The following CHAF1A variants were observed in gnomAD, a reference collection of about 807,000 sequenced individuals.
CHAF1A encodes chromatin assembly factor 1 subunit A, also known as CAF-1 subunit A.
Under a neutral mutation model 93.2 loss-of-function variants are expected in CHAF1A, and 5 were observed. That is an observed-to-expected ratio of 0.05 (90% CI 0.03 to 0.11). The LOEUF (loss-of-function observed/expected upper bound fraction) is 0.11. Among genes scored for constraint, CHAF1A ranks in the 10% least tolerant of loss-of-function variants. CHAF1A has a pLI of 1.00. For synonymous variants in CHAF1A, 504 were observed against 510.3 expected, an observed-to-expected ratio of 0.99 and a Z score of 0.17; for missense variants, 1,102 against 1,259.9, an observed-to-expected ratio of 0.87 and a Z score of 1.90.
downstream of CHAF1A, chr19:4,445,659 A>C (rs1404973048): frequency 1.9e-6 from 3 of 1,593,996 alleles, no homozygotes; most frequent in African/African-American, 4.0e-5. Flanking sequence ...TGAGACCGAG[A>C]GTCGGCCCTT....
chr19:4,421,528 A>T (rs1215935867), intron 4 of CHAF1A, among the ~76,000 whole-genome samples: 1 of 152,104 alleles, frequency 6.6e-6, no homozygotes, highest in Non-Finnish European at 1.5e-5. Context: ...TATAATTCCA[A>T]CACTTTGGGA....
Position 4,431,981 on chromosome 19 carries a change from C to G in CHAF1A, c.1977C>G (p.Val659=). 1 of 1,612,622 alleles carries G rather than the reference C, an allele frequency of 6.2e-7. No homozygotes were observed. Among genetic ancestry groups the G allele is most frequent in the Non-Finnish European group, 8.5e-7 (1 of 1,178,820 alleles). ...EECADPENHK[V]RQKLKAKEWD... is the part of the protein sequence containing the mutation. ...GTGCCGACCCTGAGAACCATAAGGT[C>G]CGCCAGAAACTGAAGGCCAAGGAGT... Residue 659 remains valine (V), a synonymous_variant, in exon 12 of 15, where the codon GTC becomes GTG. Transcript: ENST00000301280.
At chr19:4,448,306 C>T (rs1974581617), downstream of CHAF1A, 9 of 1,595,422 alleles carry the variant, frequency 5.6e-6, no homozygotes, top group Non-Finnish European at 7.7e-6. Context: ...GGCAAAGGGG[C>T]CACACGCTCA....
At chr19:4,405,025 G>A (rs1973654659) in intron 1 of CHAF1A, among the ~76,000 whole-genome samples, 1 of 152,152 alleles carries the variant, frequency 6.6e-6, no homozygotes. Context: ...GGGGGCTTGG[G>A]TTGGAGGAAG....
Position 4,423,278 on chromosome 19 carries a change from G to A in CHAF1A, c.1248-57G>A, listed in dbSNP as rs1238152211. 14 of 1,610,852 alleles carry A rather than the reference G, an allele frequency of 8.7e-6. No homozygotes were observed. The Admixed American group carries it at 1.0e-4, about 12-fold the overall frequency. ...CCATATACTAACAGTTGAGTGCTGC[G>A]GTCCCTTCCAGAGCCAAAGCAAAGA... On this transcript the variant is annotated intron_variant, in intron 5 of 14. Transcript: ENST00000301280.
At chr19:4,446,568 C>T (rs112497201), downstream of CHAF1A, 72 of 1,612,388 alleles carry the variant, frequency 4.5e-5, no homozygotes, top group Middle Eastern at 3.3e-4. Flanking sequence ...GTTCGAACTG[C>T]GAGGCCAGGG....
intron 6 of CHAF1A, 61 bp downstream of exon 6, chr19:4,423,456 T>A (rs1255096675): frequency 6.2e-7 from 1 of 1,608,406 alleles, no homozygotes; most frequent in East Asian, 2.2e-5. Context: ...ATGCCCAAAG[T>A]GGAATTCTTG....
intron 2 of CHAF1A, among the ~76,000 whole-genome samples, chr19:4,407,246 C>CAA (rs201896804): frequency 2.7e-5 from 3 of 111,902 alleles, no homozygotes; most frequent in African/African-American, 9.0e-5. Flanking sequence ...CACACCCCCC[C>CAA]CAAAAAAAAA....
At chr19:4,439,166 G>A (rs900112392) in intron 13 of CHAF1A, among the ~76,000 whole-genome samples, 1 of 151,294 alleles carries the variant, frequency 6.6e-6, no homozygotes, top group Non-Finnish European at 1.5e-5. Context: ...TGTAATCCCA[G>A]CTACTCAGGA....
At chr19:4,405,118 G>A (rs1973656330) in intron 1 of CHAF1A, among the ~76,000 whole-genome samples, 1 of 152,152 alleles carries the variant, frequency 6.6e-6, no homozygotes, top group Non-Finnish European at 1.5e-5. Flanking sequence ...TTCATTTCAT[G>A]AAACAGTTCC....
downstream of CHAF1A, chr19:4,445,420 A>G: frequency 6.3e-7 from 1 of 1,589,312 alleles, no homozygotes; most frequent in Non-Finnish European, 8.6e-7. Context: ...GGTGGCTTGG[A>G]GGCCCTGGGG....
Position 4,402,738 on chromosome 19 carries a change from A to C in CHAF1A, c.-25A>C. 6 of 1,198,582 alleles carry C rather than the reference A, an allele frequency of 5.0e-6. No homozygotes were observed. Among genetic ancestry groups the C allele is most frequent in the Non-Finnish European group, 6.2e-6 (6 of 966,046 alleles). 74.2% of individuals were successfully genotyped at this position (1,198,582 alleles called of 1,614,324 possible). ...GGAGCCCGCGCCTCCGCCGCCTGAGAGGAGGTCGAGCTGCCGCCGGGGCGA... is the reference window on the plus strand; with the variant it reads ...GGAGCCCGCGCCTCCGCCGCCTGAGCGGAGGTCGAGCTGCCGCCGGGGCGA... On this transcript the variant is annotated 5_prime_UTR_variant, in exon 1 of 15. Transcript: ENST00000301280.
chr19:4,409,162 G>A lies in CHAF1A; in HGVS notation c.363G>A (p.Glu121=). The A allele has an allele frequency of 6.2e-7, 1 of 1,614,220 alleles. No homozygotes were observed. ...GQSTVIIDLT[E]DSNEQPDSLV... is the part of the protein sequence containing the mutation. ...GCACAGTCATCATTGATTTGACAGAGGACTCGAATGAGCAGCCAGACAGTC... is the reference window on the plus strand; with the variant it reads ...GCACAGTCATCATTGATTTGACAGAAGACTCGAATGAGCAGCCAGACAGTC... Residue 121 remains glutamate, a synonymous_variant, in exon 3 of 15, where the codon GAG becomes GAA. Transcript: ENST00000301280.
At chr19:4,424,191 C>T (rs551238795) in intron 7 of CHAF1A, among the ~76,000 whole-genome samples, 15 of 152,310 alleles carry the variant, frequency 9.8e-5, no homozygotes, top group African/African-American at 3.4e-4. Context: ...GGAGGGAGCA[C>T]GTTTAGCTGT....
At position 4,402,664 on chromosome 19, in the gene CHAF1A, C is replaced by T. The variant is rs1361953823; in HGVS notation, c.-99C>T. 3.8e-6 allele frequency: 3 copies of T among 788,628 alleles called. No homozygotes were observed. The highest frequency in any genetic ancestry group is 5.0e-6 in the Non-Finnish European group (3 of 600,622). The allele number at this position is 788,628 out of a possible 1,614,324, so 48.9% of individuals were successfully genotyped here. On this transcript the variant is annotated 5_prime_UTR_variant, in exon 1 of 15. Coordinates refer to ENST00000301280, the MANE Select transcript of CHAF1A (RefSeq NM_005483.3). ...CCAAATACGAGCGCGGCGGCCGCGG[C>T]GGCAGCAGCGGCGCGGGCGGGAGGG... is the stretch of plus-strand genomic sequence containing the variant.
downstream of CHAF1A, chr19:4,445,530 C>CG: frequency 6.2e-7 from 1 of 1,613,936 alleles, no homozygotes; most frequent in Non-Finnish European, 8.5e-7. Context: ...GACAGGAGCT[C>CG]GGGTTTCAGG....
At chr19:4,410,789 C>G (rs935984390) in intron 3 of CHAF1A, among the ~76,000 whole-genome samples, 1 of 152,114 alleles carries the variant, frequency 6.6e-6, no homozygotes, top group Non-Finnish European at 1.5e-5. Flanking sequence ...AGTTGGAGGC[C>G]GCAGCGAGCT....
In CHAF1A at chr19:4,422,093, T is replaced by G. The variant is rs1479784918; in HGVS notation, c.1018-473T>G. Among the ~76,000 whole-genome samples the G allele has an allele frequency of 6.6e-6, 1 of 151,798 alleles. No homozygotes were observed. The highest frequency in any genetic ancestry group is 2.4e-5 in the African/African-American group (1 of 41,318). ...GGCACCGTGTTGGCTCACTGCAACC[T>G]CCGTCTCCTGGTTTCAAGCAATTCT... On this transcript the variant is annotated intron_variant, in intron 4 of 14. Coordinates refer to ENST00000301280, the MANE Select transcript of CHAF1A (RefSeq NM_005483.3). This position sits in a 1 kb window ranked among gnomAD's most constrained non-coding sequence, Gnocchi z 4.6.
At position 4,421,424 on chromosome 19, in the gene CHAF1A, A is replaced by G. The variant is rs548446315; in HGVS notation, c.1018-1142A>G. Among the ~76,000 whole-genome samples, 4 of 152,310 alleles carry G rather than the reference A, an allele frequency of 2.6e-5. No individual in the cohort carries two copies. The East Asian group carries it at 7.7e-4, about 29-fold the overall frequency. On this transcript the variant is annotated intron_variant, in intron 4 of 14. Transcript: ENST00000301280. Reference sequence around the variant, plus strand: ...TATTGAATTTCCCACAAGTACCAGGACACAGGGCTAATTCTTAACATTTTT... The same window carrying G: ...TATTGAATTTCCCACAAGTACCAGGGCACAGGGCTAATTCTTAACATTTTT...
Sources: allele counts gnomAD v4.1 joint callset (sites outside exome capture counted in the v4.1 genomes callset), GRCh38; gene constraint gnomAD v4.1.1; non-coding constraint Gnocchi (gnomAD v3.1); transcripts MANE v1.5; gene names NCBI Gene and HGNC (gene_info 2026-07-23, HGNC 2026-07-21).